ITPRIPL2: variants seen among roughly 807,000 people sequenced by gnomAD.
The protein encoded by ITPRIPL2 is inositol 1,4,5-trisphosphate receptor-interacting protein-like 2.
Under a neutral mutation model 31.7 loss-of-function variants are expected in ITPRIPL2, and 29 were observed. The observed-to-expected ratio is 0.91, with a 90% CI of 0.68 to 1.25. ITPRIPL2 has a LOEUF of 1.25. ITPRIPL2 is among the 50% of genes most tolerant of loss of function. The pLI is 0.00. For missense variants in ITPRIPL2, 696 were observed against 739.1 expected (o/e 0.94, Z 0.68); for synonymous variants, 344 against 343.4 (o/e 1.00, Z -0.02).
rs1434522787 is a variant in ITPRIPL2, at chr16:19,115,762, T to G, written c.1301T>G (p.Leu434Trp). 3 of 1,612,900 alleles carry G rather than the reference T, an allele frequency of 1.9e-6. No homozygotes were observed. The change falls in exon 1 of 1, where the codon TTG (leucine) becomes TGG (tryptophan). Residue 434 changes from leucine to tryptophan, a missense_variant. Transcript: ENST00000381440. ...GWDEEHLGRC[L>W]EELVQFLRDC... is the part of the protein sequence containing the mutation. ...GACGAGGAGCACCTGGGAAGGTGTT[T>G]GGAGGAGTTGGTGCAGTTCCTTAGG...
In ITPRIPL2 at chr16:19,115,673, A is replaced by T; in HGVS notation, c.1212A>T (p.Ser404=). ...CCCAGTGGGGACGCATCCTATCCTCATATGTGCTCAAGACAGTGCTGCTGG... is the reference window on the plus strand; with the variant it reads ...CCCAGTGGGGACGCATCCTATCCTCTTATGTGCTCAAGACAGTGCTGCTGG... The part of the protein sequence containing the change: ...AATQWGRILS[S]YVLKTVLLAV... Residue 404 remains serine, a synonymous_variant, in exon 1 of 1, where the codon TCA becomes TCT. Coordinates refer to ENST00000381440, the MANE Select transcript of ITPRIPL2 (RefSeq NM_001034841.4). 6.2e-7 allele frequency: 1 copy of T among 1,612,488 alleles called. No individual in the cohort carries two copies. The highest frequency in any genetic ancestry group is 1.7e-5 in the Admixed American group (1 of 60,006).
chr16:19,114,552 CG>C lies in ITPRIPL2; in HGVS notation c.95del (p.Gly32GlufsTer92). 2 of 1,531,476 alleles carry C rather than the reference CG, an allele frequency of 1.3e-6. No individual in the cohort carries two copies. The highest frequency in any genetic ancestry group is 8.7e-7 in the Non-Finnish European group (1 of 1,143,288). The allele number at this position is 1,531,476 out of a possible 1,614,324, so 94.9% of individuals were successfully genotyped here. ...CCTGGTGTGCCTCTACCATGTCCTGCGGGGAAGCGGGGGCGCCCGGGCCGAG... is the reference window on the plus strand; with the variant it reads ...CCTGGTGTGCCTCTACCATGTCCTGCGGGAAGCGGGGGCGCCCGGGCCGAG... ...TALVCLYHVL[R>X]GSGGARAEPA... On this transcript the variant is annotated frameshift_variant, in exon 1 of 1. Transcript: ENST00000381440. LOFTEE classifies it high-confidence loss of function.
Position 19,116,121 on chromosome 16 carries a change from G to A in ITPRIPL2, c.*52G>A. 1.3e-6 allele frequency: 2 copies of A among 1,485,126 alleles called. No individual in the cohort carries two copies. The highest frequency in any genetic ancestry group is 1.8e-6 in the Non-Finnish European group (2 of 1,104,706). 92.0% of individuals were successfully genotyped at this position (1,485,126 alleles called of 1,614,324 possible). On this transcript the variant is annotated 3_prime_UTR_variant, in exon 1 of 1. Coordinates refer to ENST00000381440, the MANE Select transcript of ITPRIPL2 (RefSeq NM_001034841.4). ...AATGCTCCTAAAGCCTTTCCCACTG[G>A]GTGGGGGTGGGAATGGCGGTGAAGC...
rs137927785 is a variant in ITPRIPL2, at chr16:19,117,252, C to T, written c.*1183C>T. The T allele has an allele frequency of 5.4e-5, 9 of 167,256 alleles. No homozygotes were observed. Among genetic ancestry groups the T allele is most frequent in the Middle Eastern group, 3.4e-3 (1 of 296 alleles). The allele number at this position is 167,256 out of a possible 1,614,324, so 10.4% of individuals were successfully genotyped here. ...GTTCTTCCTTGTCCAGGCAGTCTTA[C>T]GTGGTCCAAGAGACCTGTTGATTCA... On this transcript the variant is annotated 3_prime_UTR_variant, in exon 1 of 1. Transcript: ENST00000381440.
chr16:19,119,892 G>A lies in ITPRIPL2; in HGVS notation c.*3823G>A, dbSNP rs1963492206. 2 of 167,022 alleles carry A rather than the reference G, an allele frequency of 1.2e-5. No homozygotes were observed. Among genetic ancestry groups the A allele is most frequent in the South Asian group, 4.1e-4 (2 of 4,828 alleles). 10.3% of individuals were successfully genotyped at this position (167,022 alleles called of 1,614,324 possible). A position where few individuals can be genotyped will look rare whatever the true frequency, so the allele number is the denominator to read the frequency against. ...GATTTGGGGTAAACTTCTTTGCTCTGTCGGAGTTTGCAGATGAGTAATCAG... is the reference window on the plus strand; with the variant it reads ...GATTTGGGGTAAACTTCTTTGCTCTATCGGAGTTTGCAGATGAGTAATCAG... On this transcript the variant is annotated 3_prime_UTR_variant, in exon 1 of 1. Transcript: ENST00000381440.
rs1372860391 is a variant in ITPRIPL2, at chr16:19,114,597, G to A, written c.136G>A (p.Gly46Ser). The A allele has an allele frequency of 6.3e-7, 1 of 1,580,490 alleles. No homozygotes were observed. The highest frequency in any genetic ancestry group is 8.6e-7 in the Non-Finnish European group (1 of 1,167,146). Residue 46 changes from glycine to serine, a missense_variant, in exon 1 of 1, where the codon GGC (glycine) becomes AGC (serine). Coordinates refer to ENST00000381440, the MANE Select transcript of ITPRIPL2 (RefSeq NM_001034841.4). ...ARAEPADGVD[G>S]GFPLLKVAVL... ...GGCCGAGCCCGCCGACGGCGTGGATGGCGGCTTCCCGTTGCTTAAGGTGGC... is the reference window on the plus strand; with the variant it reads ...GGCCGAGCCCGCCGACGGCGTGGATAGCGGCTTCCCGTTGCTTAAGGTGGC...
In ITPRIPL2 at chr16:19,118,818, A is replaced by G; in HGVS notation, c.*2749A>G. 2.4e-6 allele frequency: 1 copy of G among 410,196 alleles called. No homozygotes were observed. The highest frequency in any genetic ancestry group is 4.5e-6 in the Non-Finnish European group (1 of 224,568). 25.4% of individuals were successfully genotyped at this position (410,196 alleles called of 1,614,324 possible). On this transcript the variant is annotated 3_prime_UTR_variant, in exon 1 of 1. Transcript: ENST00000381440. ...TAAACCAAAACATGTACTGTGTACA[A>G]CGGAAATAATATGGCATATTAGCCA...
chr16:19,115,727 G>A lies in ITPRIPL2; in HGVS notation c.1266G>A (p.Gly422=), dbSNP rs1487277920. ...TGCTGCTGCGCAAGGGGGCCCCTGG[G>A]CAAGGCTGGGACGAGGAGCACCTGG... ...LAVLLRKGAP[G]QGWDEEHLGR... Residue 422 remains glycine, a synonymous_variant, in exon 1 of 1, where the codon GGG becomes GGA. Transcript: ENST00000381440. 1 of 1,613,058 alleles carries A rather than the reference G, an allele frequency of 6.2e-7. No individual in the cohort carries two copies. The highest frequency in any genetic ancestry group is 8.5e-7 in the Non-Finnish European group (1 of 1,179,994).
rs115520782 is a variant in ITPRIPL2, at chr16:19,114,478, C to T, written c.17C>T (p.Thr6Ile). MSVHY[T>I]LNLRVFWPLV... Reference sequence around the variant, plus strand: ...GCGCCCGGCATGTCGGTGCACTACACCCTCAATCTACGCGTCTTCTGGCCC... The same window carrying T: ...GCGCCCGGCATGTCGGTGCACTACATCCTCAATCTACGCGTCTTCTGGCCC... Residue 6 changes from threonine (T) to isoleucine (I), a missense_variant, in exon 1 of 1, where the codon ACC (threonine) becomes ATC (isoleucine). Thr to Ile is a moderately conservative substitution (Grantham distance 89). Coordinates refer to ENST00000381440, the MANE Select transcript of ITPRIPL2 (RefSeq NM_001034841.4). The T allele has an allele frequency of 5.4e-3, 7,769 of 1,443,544 alleles. 26 individuals are homozygous for T. Among genetic ancestry groups the T allele is most frequent in the Non-Finnish European group, 6.5e-3 (7,148 of 1,097,422 alleles). 89.4% of individuals were successfully genotyped at this position (1,443,544 alleles called of 1,614,324 possible). A position where few individuals can be genotyped will look rare whatever the true frequency, so the allele number is the denominator to read the frequency against.
rs767660088 is a variant in ITPRIPL2, at chr16:19,115,811, G to A, written c.1350G>A (p.Thr450=). ...FLRDCLLRRH[T]LFHCVLGPGG... ...GGGACTGCCTGCTGCGACGCCATAC[G>A]CTCTTCCACTGCGTCCTGGGCCCTG... Residue 450 remains threonine, a synonymous_variant, in exon 1 of 1, where the codon ACG becomes ACA. Coordinates refer to ENST00000381440, the MANE Select transcript of ITPRIPL2 (RefSeq NM_001034841.4). The A allele has an allele frequency of 5.6e-6, 9 of 1,612,866 alleles. No homozygotes were observed. Among genetic ancestry groups the A allele is most frequent in the African/African-American group, 5.3e-5 (4 of 75,064 alleles).
rs532574981 is a variant in ITPRIPL2 at position 19,119,895 on chromosome 16, G to A, written c.*3826G>A. On this transcript the variant is annotated 3_prime_UTR_variant, in exon 1 of 1. Coordinates refer to ENST00000381440, the MANE Select transcript of ITPRIPL2 (RefSeq NM_001034841.4). ...TTGGGGTAAACTTCTTTGCTCTGTC[G>A]GAGTTTGCAGATGAGTAATCAGAAG... 6.0e-6 allele frequency: 1 copy of A among 166,942 alleles called. No individual in the cohort carries two copies. Among genetic ancestry groups the A allele is most frequent in the Non-Finnish European group, 1.5e-5 (1 of 68,094 alleles). The allele number at this position is 166,942 out of a possible 1,614,324, so 10.3% of individuals were successfully genotyped here. A position where few individuals can be genotyped will look rare whatever the true frequency, so the allele number is the denominator to read the frequency against.
In ITPRIPL2 at chr16:19,115,740, G is replaced by A. The variant is rs952721950; in HGVS notation, c.1279G>A (p.Glu427Lys). 1.2e-6 allele frequency: 2 copies of A among 1,612,962 alleles called. No homozygotes were observed. Among genetic ancestry groups the A allele is most frequent in the African/African-American group, 1.3e-5 (1 of 74,944 alleles). Reference sequence around the variant, plus strand: ...GGGGGCCCCTGGGCAAGGCTGGGACGAGGAGCACCTGGGAAGGTGTTTGGA... The same window carrying A: ...GGGGGCCCCTGGGCAAGGCTGGGACAAGGAGCACCTGGGAAGGTGTTTGGA... ...RKGAPGQGWD[E>K]EHLGRCLEEL... The change falls in exon 1 of 1, where the codon GAG becomes AAG. Residue 427 changes from glutamate to lysine, a missense_variant. Physicochemically the swap from Glu to Lys is moderately conservative, Grantham distance 56. Transcript: ENST00000381440.
chr16:19,114,421 C>G lies in ITPRIPL2; in HGVS notation c.-41C>G. 3 of 1,312,570 alleles carry G rather than the reference C, an allele frequency of 2.3e-6. No individual in the cohort carries two copies. The highest frequency in any genetic ancestry group is 2.9e-6 in the Non-Finnish European group (3 of 1,030,588). 81.3% of individuals were successfully genotyped at this position (1,312,570 alleles called of 1,614,324 possible). A position where few individuals can be genotyped will look rare whatever the true frequency, so the allele number is the denominator to read the frequency against. The stretch of plus-strand genomic sequence containing the variant: ...GGGCTTGGGTCGCCGCCGGGGCTTG[C>G]CCCCTGGGCTGCTCGGCCACCGCCG... On this transcript the variant is annotated 5_prime_UTR_variant, in exon 1 of 1. Coordinates refer to ENST00000381440, the MANE Select transcript of ITPRIPL2 (RefSeq NM_001034841.4).
chr16:19,115,982 C>G lies in ITPRIPL2; in HGVS notation c.1521C>G (p.Leu507=). 6.2e-7 allele frequency: 1 copy of G among 1,613,102 alleles called. No homozygotes were observed. Among genetic ancestry groups the G allele is most frequent in the African/African-American group, 1.3e-5 (1 of 75,076 alleles). Residue 507 remains leucine, a synonymous_variant, in exon 1 of 1, where the codon CTC becomes CTG. Coordinates refer to ENST00000381440, the MANE Select transcript of ITPRIPL2 (RefSeq NM_001034841.4). ...LSTWQRLPQL[L]RAYGGPRYLA... ...CGTGGCAAAGGCTGCCCCAGCTTCT[C>G]CGGGCCTACGGGGGTCCCCGCTACC...
Position 19,115,405 on chromosome 16 carries a change from T to G in ITPRIPL2, c.944T>G (p.Leu315Arg). Residue 315 changes from leucine (L) to arginine (R), a missense_variant, in exon 1 of 1, where the codon CTG becomes CGG. Coordinates refer to ENST00000381440, the MANE Select transcript of ITPRIPL2 (RefSeq NM_001034841.4). ...GTGCGTCTCATCCCCGCTGTCCATC[T>G]GGGAGATGGGGTCTTCCTTGTGGCG... is the stretch of plus-strand genomic sequence containing the variant. The part of the protein sequence containing the change: ...MAVRLIPAVH[L>R]GDGVFLVAPP... 1 of 1,612,388 alleles carries G rather than the reference T, an allele frequency of 6.2e-7. No homozygotes were observed. The highest frequency in any genetic ancestry group is 8.5e-7 in the Non-Finnish European group (1 of 1,180,002).
At position 19,120,625 on chromosome 16, in the gene ITPRIPL2, A is replaced by ATATATATT. The variant is rs1248708235; in HGVS notation, c.*4557_*4558insATATATTT. On this transcript the variant is annotated 3_prime_UTR_variant, in exon 1 of 1. Coordinates refer to ENST00000381440, the MANE Select transcript of ITPRIPL2 (RefSeq NM_001034841.4). ...CTAATATATATATATATATATATAT[A>ATATATATT]TTTTTTTTTTTTTTTTTTAGTAGAG... The ATATATATT allele has an allele frequency of 3.8e-4, 35 of 92,156 alleles. No individual in the cohort carries two copies. The highest frequency in any genetic ancestry group is 1.6e-3 in the African/African-American group (33 of 20,028). The allele number at this position is 92,156 out of a possible 1,614,324, so 5.7% of individuals were successfully genotyped here. A position where few individuals can be genotyped will look rare whatever the true frequency, so the allele number is the denominator to read the frequency against.
rs375688194 is a variant in ITPRIPL2 at position 19,118,993 on chromosome 16, C to T, written c.*2924C>T. 7 of 413,276 alleles carry T rather than the reference C, an allele frequency of 1.7e-5. No homozygotes were observed. In the South Asian group the frequency reaches 8.9e-4, roughly 53 times the overall value. The allele number at this position is 413,276 out of a possible 1,614,324, so 25.6% of individuals were successfully genotyped here. On this transcript the variant is annotated 3_prime_UTR_variant, in exon 1 of 1. Transcript: ENST00000381440. ...GCAAATATTCTCATGCAAGAAGTTC[C>T]ACAGTAACAACAGCAAAAAGAAAAA...
rs3210530 is a variant in ITPRIPL2, at chr16:19,116,726, G to A, written c.*657G>A. The A allele has an allele frequency of 0.15, 25,448 of 167,080 alleles. 4,770 individuals are homozygous for A. Among genetic ancestry groups the A allele is most frequent in the African/African-American group, 0.46 (19,089 of 41,476 alleles). The allele number at this position is 167,080 out of a possible 1,614,324, so 10.3% of individuals were successfully genotyped here. On this transcript the variant is annotated 3_prime_UTR_variant, in exon 1 of 1. Coordinates refer to ENST00000381440, the MANE Select transcript of ITPRIPL2 (RefSeq NM_001034841.4). ...AGGCAATCGAGAGTTGGTTAGAGAA[G>A]CTTCCAGAGAAAATAGCACTTTATA...
At position 19,116,017 on chromosome 16, in the gene ITPRIPL2, G is replaced by A; in HGVS notation, c.1556G>A (p.Cys519Tyr). The A allele has an allele frequency of 6.2e-7, 1 of 1,610,004 alleles. No homozygotes were observed. ...GGGGGTCCCCGCTACCTTGCCAGGTGCCCCCCACCCCGGAGTCAGCGCACC... is the reference window on the plus strand; with the variant it reads ...GGGGGTCCCCGCTACCTTGCCAGGTACCCCCCACCCCGGAGTCAGCGCACC... ...AYGGPRYLAR[C>Y]PPPRSQRTQG... is the part of the protein sequence containing the mutation. Residue 519 changes from cysteine (C) to tyrosine (Y), a missense_variant, in exon 1 of 1, where the codon TGC becomes TAC. Transcript: ENST00000381440.
Sources: gnomAD v4.1 joint callset for allele counts on GRCh38, gnomAD v4.1.1 for gene constraint, MANE v1.5 for transcripts, NCBI Gene and HGNC (gene_info 2026-07-23, HGNC 2026-07-21) for gene names.